Variants in WHRN observed in about 807,000 individuals in gnomAD.
WHRN encodes the protein whirlin, also known as CASK-interacting protein CIP98.
WHRN carries 41 observed loss-of-function variants against 68.3 expected under a neutral mutation model. That is an observed-to-expected ratio of 0.60 (90% CI 0.47 to 0.78). WHRN has a LOEUF of 0.78. WHRN is among the 30% of genes least tolerant of loss of function. WHRN has a pLI of 0.00. For missense variants in WHRN, 1,243 were observed against 1,244.7 expected (o/e 1.00, Z 0.02); for synonymous variants, 560 against 561.3 (o/e 1.00, Z 0.03).
intron 6 of WHRN, 64 bp downstream of exon 6, chr9:114,424,270 G>A (rs1836594593): frequency 6.4e-7 from 1 of 1,571,874 alleles, no homozygotes; most frequent in Non-Finnish European, 8.7e-7. Flanking sequence ...AAAGGAGCGG[G>A]GGCAGGGCAG....
chr9:114,477,723 T>C (rs1193883017), intron 2 of WHRN, among the ~76,000 whole-genome samples: 1 of 152,160 alleles, frequency 6.6e-6, no homozygotes. Flanking sequence ...ATTCTCGGCT[T>C]CAATTCTGGG....
chr9:114,504,071 A>G (rs926525362), intron 1 of WHRN, 113 bp downstream of exon 1: 18 of 1,466,426 alleles, frequency 1.2e-5, no homozygotes, highest in Non-Finnish European at 1.7e-5. Flanking sequence ...AAAAAAAAAA[A>G]AGCCCAGAAA....
chr9:114,427,268 T>C (rs1836962921), intron 3 of WHRN, among the ~76,000 whole-genome samples: 1 of 152,198 alleles, frequency 6.6e-6, no homozygotes, highest in African/African-American at 2.4e-5. Context: ...TTTACAAAAA[T>C]ACTTTTAATG....
intron 7 of WHRN, among the ~76,000 whole-genome samples, chr9:114,408,510 G>A (rs570403953): frequency 2.6e-5 from 4 of 152,212 alleles, no homozygotes; most frequent in Non-Finnish European, 4.4e-5. Flanking sequence ...TGCAAAAAAC[G>A]TCTATTTCTT....
chr9:114,484,193 T>A (rs1842310583), intron 1 of WHRN, among the ~76,000 whole-genome samples: 1 of 152,206 alleles, frequency 6.6e-6, no homozygotes, highest in African/African-American at 2.4e-5. Context: ...TGACAGGACT[T>A]GAAGGCCAGA....
intron 3 of WHRN, among the ~76,000 whole-genome samples, chr9:114,463,502 C>G (rs1293999899): frequency 6.6e-6 from 1 of 152,078 alleles, no homozygotes; most frequent in African/African-American, 2.4e-5. Flanking sequence ...GATCCTGGAA[C>G]AGAAAAAAGA....
At chr9:114,470,767 C>A (rs1841145759) in intron 2 of WHRN, among the ~76,000 whole-genome samples, 1 of 152,176 alleles carries the variant, frequency 6.6e-6, no homozygotes, top group African/African-American at 2.4e-5. Flanking sequence ...CTGGGGTCTA[C>A]ACACCCAGGA....
At chr9:114,406,246 G>GC in intron 9 of WHRN, 109 bp downstream of exon 9, 1 of 1,492,832 alleles carries the variant, frequency 6.7e-7, no homozygotes, top group Non-Finnish European at 9.2e-7. Context: ...CTGGCCCTGA[G>GC]CCCCCTCAAC....
chr9:114,467,656 G>T (rs1458829998), intron 2 of WHRN, among the ~76,000 whole-genome samples: 1 of 152,170 alleles, frequency 6.6e-6, no homozygotes, highest in African/African-American at 2.4e-5. Flanking sequence ...ACAAGGACAC[G>T]CAAGGGGTGG....
chr9:114,426,213 T>C lies in WHRN; in HGVS notation c.1164A>G (p.Ala388=), dbSNP rs1181065976. 6.2e-7 allele frequency: 1 copy of C among 1,612,212 alleles called. No individual in the cohort carries two copies. Among genetic ancestry groups the C allele is most frequent in the Non-Finnish European group, 8.5e-7 (1 of 1,180,014 alleles). Residue 388 remains alanine (A), a splice_region_variant and synonymous_variant, in exon 4 of 12, where the codon GCA becomes GCG. Coordinates refer to ENST00000362057, the MANE Select transcript of WHRN (RefSeq NM_015404.4). ...SRIRETMANS[A]GFLGDLTTEG... Reference sequence around the variant, plus strand: ...TGGAGCGAGCAGAGTGGCCAGACCCTGCCGAGTTCGCCATGGTCTCCCTGA... The same window carrying C: ...TGGAGCGAGCAGAGTGGCCAGACCCCGCCGAGTTCGCCATGGTCTCCCTGA...
At chr9:114,450,427 T>C (rs746894743) in intron 3 of WHRN, among the ~76,000 whole-genome samples, 1 of 152,118 alleles carries the variant, frequency 6.6e-6, no homozygotes, top group Admixed American at 6.5e-5. Flanking sequence ...ACTGTGAAAC[T>C]GCCCTGGCTG....
intron 4 of WHRN, chr9:114,425,637 A>G (rs1836777701): frequency 4.1e-6 from 1 of 244,332 alleles, no homozygotes; most frequent in Non-Finnish European, 8.0e-6. Flanking sequence ...ACACAGAGAG[A>G]CACAGACAGA....
At chr9:114,418,422 G>A (rs192738241) in intron 7 of WHRN, among the ~76,000 whole-genome samples, 14 of 152,286 alleles carry the variant, frequency 9.2e-5, no homozygotes, top group African/African-American at 3.1e-4. Flanking sequence ...CAGGCCCTTC[G>A]TGGCCCACAG....
intron 7 of WHRN, among the ~76,000 whole-genome samples, chr9:114,409,271 G>T (rs1564119344): frequency 1.3e-5 from 2 of 152,238 alleles, no homozygotes; most frequent in Non-Finnish European, 2.9e-5. Context: ...GCCATTGGTA[G>T]CTCAGAGACA....
At chr9:114,411,461 C>G (rs1022725490) in intron 7 of WHRN, among the ~76,000 whole-genome samples, 23 of 152,278 alleles carry the variant, frequency 1.5e-4, no homozygotes, top group African/African-American at 5.5e-4. Context: ...GCAGCTGATC[C>G]TGGGGGAAGC....
intron 3 of WHRN, among the ~76,000 whole-genome samples, chr9:114,453,489 A>C (rs1839513109): frequency 6.6e-6 from 1 of 152,196 alleles, no homozygotes; most frequent in Non-Finnish European, 1.5e-5. Context: ...CTTTAAGTGT[A>C]TTTCATTCTG....
intron 7 of WHRN, among the ~76,000 whole-genome samples, chr9:114,411,482 C>T (rs562855342): frequency 6.6e-6 from 1 of 152,338 alleles, no homozygotes; most frequent in Non-Finnish European, 1.5e-5. Flanking sequence ...TGGGGTTGGA[C>T]TCAGATGACA....
In WHRN at chr9:114,402,488, C is replaced by T. The variant is rs1834752521; in HGVS notation, c.*266G>A. 1.9e-6 allele frequency: 1 copy of T among 532,646 alleles called. No homozygotes were observed. The highest frequency in any genetic ancestry group is 1.9e-5 in the African/African-American group (1 of 52,520). The allele number at this position is 532,646 out of a possible 1,614,324, so 33.0% of individuals were successfully genotyped here. A position where few individuals can be genotyped will look rare whatever the true frequency, so the allele number is the denominator to read the frequency against. On this transcript the variant is annotated 3_prime_UTR_variant, in exon 12 of 12. Transcript: ENST00000362057. ...AAACCAGCACTCTGCCCTTCCTTTT[C>T]CTTTCTTCCTGTCTTGCAACCCACT...
chr9:114,445,584 A>G (rs1285368338), intron 3 of WHRN, among the ~76,000 whole-genome samples: 1 of 152,226 alleles, frequency 6.6e-6, no homozygotes, highest in Non-Finnish European at 1.5e-5. Flanking sequence ...GACAAGCCAT[A>G]GCACAGGCCA....
Sources: allele counts gnomAD v4.1 joint callset (sites outside exome capture counted in the v4.1 genomes callset), GRCh38; gene constraint gnomAD v4.1.1; transcripts MANE v1.5; gene names NCBI Gene and HGNC (gene_info 2026-07-23, HGNC 2026-07-21).